The following EYA2 variants were observed in gnomAD, a reference collection of about 807,000 sequenced individuals.
EYA2 encodes protein phosphatase EYA2.
EYA2 carries 31 observed loss-of-function variants against 69.2 expected under a neutral mutation model. The observed-to-expected ratio is 0.45, with a 90% CI of 0.34 to 0.60. EYA2 has a LOEUF of 0.60. EYA2 is among the 20% of genes least tolerant of loss of function. EYA2 has a pLI of 0.02. For missense variants in EYA2, 622 were observed against 701.2 expected (o/e 0.89, Z 1.28); for synonymous variants, 257 against 279.4 (o/e 0.92, Z 0.80).
chr20:46,927,825 C>G (rs1272042826), intron 1 of EYA2, among the ~76,000 whole-genome samples: 2 of 152,152 alleles, frequency 1.3e-5, no homozygotes, highest in African/African-American at 2.4e-5. Context: ...CTCTTTAACC[C>G]TATAGGTTTT....
Position 47,188,240 on chromosome 20 carries a change from G to C in EYA2, c.*107G>C. ...CCCAGATGTTGGACACCAGGAAGGG[G>C]CCCCACAGCCGAGACGACGTGTCCA... On this transcript the variant is annotated 3_prime_UTR_variant, in exon 16 of 16. Transcript: ENST00000327619. 9.3e-7 allele frequency: 1 copy of C among 1,071,460 alleles called. No homozygotes were observed. Among genetic ancestry groups the C allele is most frequent in the South Asian group, 1.4e-5 (1 of 72,848 alleles). The allele number at this position is 1,071,460 out of a possible 1,614,324, so 66.4% of individuals were successfully genotyped here.
chr20:47,098,661 C>T (rs1357229213), intron 9 of EYA2, among the ~76,000 whole-genome samples: 1 of 152,236 alleles, frequency 6.6e-6, no homozygotes, highest in Non-Finnish European at 1.5e-5. Flanking sequence ...TGCCAGCCAC[C>T]TCTCTCCCAC....
At chr20:47,058,721 T>C (rs1568751559) in intron 5 of EYA2, among the ~76,000 whole-genome samples, 2 of 152,142 alleles carry the variant, frequency 1.3e-5, no homozygotes, top group Non-Finnish European at 2.9e-5. Flanking sequence ...ACACCTGTAG[T>C]CCCTGCTACT....
chr20:47,151,653 A>G (rs2033825498), intron 10 of EYA2, among the ~76,000 whole-genome samples: 1 of 151,968 alleles, frequency 6.6e-6, no homozygotes, highest in African/African-American at 2.4e-5. Context: ...CCATGTCCTT[A>G]GGGAAGTCTT....
At chr20:47,181,084 C>T in intron 14 of EYA2, 148 bp downstream of exon 14, 5 of 1,106,614 alleles carry the variant, frequency 4.5e-6, no homozygotes, top group Non-Finnish European at 6.3e-6. Flanking sequence ...AAAACAGCCC[C>T]CATAGACCAC....
At position 47,188,077 on chromosome 20, in the gene EYA2, T is replaced by C; in HGVS notation, c.1561T>C (p.Ser521Pro). ...GCACAACATGCCTTTCTGGCGGATA[T>C]CCTGCCACGCAGACCTGGAGGCACT... ...KKHNMPFWRI[S>P]CHADLEALRH... Residue 521 changes from serine to proline, a missense_variant, in exon 16 of 16, where the codon TCC (serine) becomes CCC (proline). Coordinates refer to ENST00000327619, the MANE Select transcript of EYA2 (RefSeq NM_005244.5). The C allele has an allele frequency of 6.3e-7, 1 of 1,582,444 alleles. No homozygotes were observed. Among genetic ancestry groups the C allele is most frequent in the Admixed American group, 1.8e-5 (1 of 55,078 alleles).
chr20:47,187,817 C>A (rs1177642676), intron 15 of EYA2, among the ~76,000 whole-genome samples: 1 of 152,240 alleles, frequency 6.6e-6, no homozygotes, highest in Non-Finnish European at 1.5e-5. Context: ...ACAGCGAACA[C>A]GCTGGGCAGT....
chr20:46,947,975 T>C (rs1290897964), intron 1 of EYA2, among the ~76,000 whole-genome samples: 4 of 151,828 alleles, frequency 2.6e-5, no homozygotes, highest in East Asian at 3.9e-4. Context: ...AAACTAGCCT[T>C]GCATGGTGGT....
rs1017510128 is a variant in EYA2 at position 47,029,700 on chromosome 20, A to G, written c.415+13403A>G. Among the ~76,000 whole-genome samples the G allele has an allele frequency of 3.9e-5, 6 of 152,224 alleles. No homozygotes were observed. In the East Asian group the frequency reaches 1.2e-3, roughly 29 times the overall value. On this transcript the variant is annotated intron_variant, in intron 5 of 15. Coordinates refer to ENST00000327619, the MANE Select transcript of EYA2 (RefSeq NM_005244.5). ...CCCATATCACCCAAGCTCCTTGCCT[A>G]CTCACTAAGTTTTTATAACACTTCT...
intron 5 of EYA2, among the ~76,000 whole-genome samples, chr20:47,040,648 G>T (rs1000370580): frequency 6.6e-6 from 1 of 152,174 alleles, no homozygotes; most frequent in African/African-American, 2.4e-5. Context: ...CACACGCATA[G>T]CTCCTTTAAT....
intron 1 of EYA2, among the ~76,000 whole-genome samples, chr20:46,948,227 G>A (rs1198668771): frequency 6.6e-6 from 1 of 152,120 alleles, no homozygotes; most frequent in African/African-American, 2.4e-5. Context: ...ACTATTTTTG[G>A]CTTTGCGGGC....
Position 47,172,706 on chromosome 20 carries a change from G to T in EYA2, c.1038-1G>T. 3 of 1,609,860 alleles carry T rather than the reference G, an allele frequency of 1.9e-6. No homozygotes were observed. Among genetic ancestry groups the T allele is most frequent in the Non-Finnish European group, 2.5e-6 (3 of 1,178,142 alleles). ...CTGTCCCTCCCCTCCTCTCTCCGCA[G>T]CACATACAACTTCTCCGCTGACGGC... On this transcript the variant is annotated splice_acceptor_variant, in intron 11 of 15. Coordinates refer to ENST00000327619, the MANE Select transcript of EYA2 (RefSeq NM_005244.5). LOFTEE classifies it high-confidence loss of function.
intron 2 of EYA2, among the ~76,000 whole-genome samples, chr20:46,992,595 C>T (rs532641984): frequency 3.5e-4 from 53 of 152,302 alleles, no homozygotes; most frequent in Non-Finnish European, 6.3e-4. Context: ...GTAAGAGTCT[C>T]CAGACCCTGG....
intron 6 of EYA2, among the ~76,000 whole-genome samples, chr20:47,072,472 G>A (rs1208042214): frequency 3.3e-5 from 5 of 150,680 alleles, no homozygotes; most frequent in African/African-American, 9.8e-5. Context: ...TTCCTGAGAT[G>A]TCATGGAGAT....
At chr20:47,146,940 A>G (rs1309934291) in intron 10 of EYA2, among the ~76,000 whole-genome samples, 4 of 152,274 alleles carry the variant, frequency 2.6e-5, no homozygotes, top group Non-Finnish European at 4.4e-5. Context: ...AATGCAAAGT[A>G]TAATGTCAGA....
At chr20:47,061,835 C>G (rs907877325) in intron 5 of EYA2, among the ~76,000 whole-genome samples, 11 of 152,202 alleles carry the variant, frequency 7.2e-5, no homozygotes, top group Non-Finnish European at 2.9e-5. Context: ...TCGTGAACCA[C>G]GTCTTAGTCC....
At chr20:47,005,372 G>A (rs1012223994) in intron 4 of EYA2, among the ~76,000 whole-genome samples, 3 of 152,316 alleles carry the variant, frequency 2.0e-5, no homozygotes, top group African/African-American at 2.4e-5. Context: ...CTGTCATCAG[G>A]TATGACTGGA....
At chr20:47,132,395 G>C (rs1278750006) in intron 9 of EYA2, among the ~76,000 whole-genome samples, 1 of 152,222 alleles carries the variant, frequency 6.6e-6, no homozygotes, top group African/African-American at 2.4e-5. Context: ...TATCGCATGG[G>C]AATTTCTCAG....
At chr20:46,912,041 A>AC (rs981733644) in intron 1 of EYA2, among the ~76,000 whole-genome samples, 4 of 152,138 alleles carry the variant, frequency 2.6e-5, no homozygotes, top group Non-Finnish European at 2.9e-5. Flanking sequence ...TATCACATGG[A>AC]CCCCCCATAA....
Sources: allele counts gnomAD v4.1 joint callset (sites outside exome capture counted in the v4.1 genomes callset), GRCh38; gene constraint gnomAD v4.1.1; transcripts MANE v1.5; gene names NCBI Gene and HGNC (gene_info 2026-07-23, HGNC 2026-07-21).